PSMC2: variants seen among roughly 807,000 people sequenced by gnomAD.
PSMC2 encodes the protein proteasome 26S subunit, ATPase 2.
PSMC2 carries 7 observed loss-of-function variants against 53.3 expected under a neutral mutation model. The ratio of observed to expected loss-of-function variants is 0.13; its 90% CI spans 0.07 to 0.25. The LOEUF (loss-of-function observed/expected upper bound fraction) is 0.25, where lower values mean the gene tolerates loss of function less well. Among genes scored for constraint, PSMC2 ranks in the 10% least tolerant of loss-of-function variants. The pLI, the probability that PSMC2 is intolerant of heterozygous loss-of-function variation, is 1.00. For missense variants in PSMC2, 241 were observed against 544.0 expected (o/e 0.44, Z 5.54); for synonymous variants, 169 against 183.9 (o/e 0.92, Z 0.66).
chr7:103,362,433 C>A, intron 5 of PSMC2: 1 of 1,355,090 alleles, frequency 7.4e-7, no homozygotes, highest in Non-Finnish European at 9.5e-7. Context: ...CATAACAACT[C>A]ACTTAGTAAA....
In PSMC2 at chr7:103,367,648, T is replaced by G; in HGVS notation, c.1047+33T>G. On this transcript the variant is annotated intron_variant, in intron 10 of 11. Coordinates refer to ENST00000292644, the MANE Select transcript of PSMC2 (RefSeq NM_002803.4). This position sits in a 1 kb window ranked among gnomAD's most constrained non-coding sequence, Gnocchi z 6.1. ...AACCATTTCATTTTAGGAAAGGGAT[T>G]TTTGAAGTTTTTTCTTCCTGTGATT... 6.2e-7 allele frequency: 1 copy of G among 1,609,504 alleles called. No homozygotes were observed. Among genetic ancestry groups the G allele is most frequent in the Non-Finnish European group, 8.5e-7 (1 of 1,177,848 alleles).
chr7:103,348,921 T>C (rs1006132718), intron 1 of PSMC2: 1 of 459,370 alleles, frequency 2.2e-6, no homozygotes, highest in African/African-American at 2.0e-5. Context: ...GGATAAATTC[T>C]AGAAGTGGAG....
chr7:103,357,819 C>A (rs1029729825), intron 4 of PSMC2, among the ~76,000 whole-genome samples: 1 of 152,144 alleles, frequency 6.6e-6, no homozygotes, highest in Non-Finnish European at 1.5e-5. Flanking sequence ...CTCAACCTCC[C>A]ACTTTCTCTT....
Position 103,347,800 on chromosome 7 carries a change from G to A in PSMC2, c.70+19G>A, listed in dbSNP as rs1412037800. Reference sequence around the variant, plus strand: ...ATCCGAGGTCAGTTGACATGGGCCGGAGCTCGGAGCTGGGGCGGGACTGGA... The same window carrying A: ...ATCCGAGGTCAGTTGACATGGGCCGAAGCTCGGAGCTGGGGCGGGACTGGA... On this transcript the variant is annotated intron_variant, in intron 1 of 11. Transcript: ENST00000292644. 6.2e-7 allele frequency: 1 copy of A among 1,613,578 alleles called. No homozygotes were observed. Among genetic ancestry groups the A allele is most frequent in the Middle Eastern group, 1.7e-4 (1 of 5,948 alleles).
intron 8 of PSMC2, among the ~76,000 whole-genome samples, chr7:103,365,039 G>A (rs1006470558): frequency 4.8e-5 from 7 of 146,134 alleles, no homozygotes; most frequent in South Asian, 2.2e-4. Context: ...TTGATGATTC[G>A]TATATTTACA....
At chr7:103,363,665 A>G (rs1820535953) in intron 7 of PSMC2, among the ~76,000 whole-genome samples, 1 of 150,848 alleles carries the variant, frequency 6.6e-6, no homozygotes, top group African/African-American at 2.4e-5. Context: ...TGCTGTTTAC[A>G]GTGACAGAGG....
chr7:103,361,210 G>A (rs1025876295), intron 4 of PSMC2, among the ~76,000 whole-genome samples: 3 of 151,878 alleles, frequency 2.0e-5, no homozygotes, highest in African/African-American at 7.3e-5. Context: ...AAGTCCGGGT[G>A]TGGTGGCTCA....
chr7:103,363,464 A>C (rs764964993), intron 7 of PSMC2, 25 bp downstream of exon 7: 27 of 1,570,944 alleles, frequency 1.7e-5, no homozygotes, highest in Admixed American at 3.3e-5. Flanking sequence ...GTTGTATTTA[A>C]ATTTCTTTGT....
rs781434982 is a variant in PSMC2 at position 103,366,033 on chromosome 7, T to G, written c.757-43T>G. On this transcript the variant is annotated intron_variant, in intron 8 of 11. Coordinates refer to ENST00000292644, the MANE Select transcript of PSMC2 (RefSeq NM_002803.4). ...ATAACTTTTTACTTATTTTAAAATATTTTGAAACCAATTTTGAATTAATAA... is the reference window on the plus strand; with the variant it reads ...ATAACTTTTTACTTATTTTAAAATAGTTTGAAACCAATTTTGAATTAATAA... 3.3e-6 allele frequency: 5 copies of G among 1,503,060 alleles called. No individual in the cohort carries two copies. The Admixed American group carries it at 5.5e-5, about 17-fold the overall frequency. The allele number at this position is 1,503,060 out of a possible 1,614,324, so 93.1% of individuals were successfully genotyped here. A position where few individuals can be genotyped will look rare whatever the true frequency, so the allele number is the denominator to read the frequency against.
At chr7:103,361,336 T>TA (rs1170508055) in intron 4 of PSMC2, among the ~76,000 whole-genome samples, 1,514 of 120,814 alleles carry the variant, frequency 0.013, 8 homozygotes, top group African/African-American at 0.02. Flanking sequence ...CCCTCTCTAC[T>TA]AAAAAAAAAA....
chr7:103,357,054 G>A lies in PSMC2; in HGVS notation c.290+1261G>A, dbSNP rs140019710. The stretch of plus-strand genomic sequence containing the variant: ...GGGTTAAATAGTTCAGGCTGGGCAC[G>A]GCAGCTCACGCCTGTAATCCCAGCA... On this transcript the variant is annotated intron_variant, in intron 4 of 11. Coordinates refer to ENST00000292644, the MANE Select transcript of PSMC2 (RefSeq NM_002803.4). Among the ~76,000 whole-genome samples the A allele has an allele frequency of 2.2e-3, 339 of 152,122 alleles. 3 individuals carry two copies. Among genetic ancestry groups the A allele is most frequent in the African/African-American group, 7.9e-3 (327 of 41,478 alleles).
chr7:103,348,014 G>T (rs564050187), intron 1 of PSMC2, among the ~76,000 whole-genome samples: 2 of 152,210 alleles, frequency 1.3e-5, no homozygotes, highest in East Asian at 1.9e-4. Flanking sequence ...CTCAGCTCTC[G>T]GGTCTTGAAG....
rs776502618 is a variant in PSMC2, at chr7:103,355,579, ATAG to A, written c.191-113_191-111del. On this transcript the variant is annotated intron_variant, in intron 3 of 11. Coordinates refer to ENST00000292644, the MANE Select transcript of PSMC2 (RefSeq NM_002803.4). ...TACTAAACAGTCTATAATGCACATG[ATAG>A]TCCTCACAATGAATGATTCAGTGCA... 12 of 754,780 alleles carry A rather than the reference ATAG, an allele frequency of 1.6e-5. 1 individual carries two copies. In the South Asian group the frequency reaches 2.0e-4, roughly 12 times the overall value. 46.8% of individuals were successfully genotyped at this position (754,780 alleles called of 1,614,324 possible).
At chr7:103,350,862 A>G (rs1461945658) in intron 1 of PSMC2, among the ~76,000 whole-genome samples, 2 of 152,144 alleles carry the variant, frequency 1.3e-5, no homozygotes, top group South Asian at 4.1e-4. Context: ...GAAACTGAGC[A>G]GTAGTTTCTT....
intron 1 of PSMC2, among the ~76,000 whole-genome samples, chr7:103,348,226 G>A (rs1206499572): frequency 6.6e-6 from 1 of 152,128 alleles, no homozygotes; most frequent in Non-Finnish European, 1.5e-5. Context: ...AATTCAAGAG[G>A]CAGAAAAGAT....
chr7:103,350,104 T>C (rs1819695258), intron 1 of PSMC2, among the ~76,000 whole-genome samples: 1 of 152,240 alleles, frequency 6.6e-6, no homozygotes, highest in African/African-American at 2.4e-5. Context: ...CACTACCTCT[T>C]CTATTTGTTG....
At chr7:103,362,515 T>C (rs1272247868) in intron 5 of PSMC2, 171 bp from the exon 6 acceptor site, 1 of 1,408,070 alleles carries the variant, frequency 7.1e-7, no homozygotes, top group Non-Finnish European at 9.3e-7. Flanking sequence ...ACATTAGACA[T>C]GTAGTTTAGT....
At chr7:103,366,375 T>C (rs2116266505) in intron 9 of PSMC2, among the ~76,000 whole-genome samples, 1 of 152,370 alleles carries the variant, frequency 6.6e-6, no homozygotes, top group Non-Finnish European at 1.5e-5. Flanking sequence ...TCAAAGCCTT[T>C]ATTTTTGTGC....
rs187385875 is a variant in PSMC2, at chr7:103,354,280, C to T, written c.108+322C>T. Among the ~76,000 whole-genome samples, 4 of 151,368 alleles carry T rather than the reference C, an allele frequency of 2.6e-5. 1 individual carries two copies. The highest frequency in any genetic ancestry group is 2.6e-4 in the Admixed American group (4 of 15,176). On this transcript the variant is annotated intron_variant, in intron 2 of 11. Transcript: ENST00000292644. ...ATTTGAAATCATTTACACAAGTTTA[C>T]TATATTTAACAAGTATTACTGAATT...
Sources: allele counts gnomAD v4.1 joint callset (sites outside exome capture counted in the v4.1 genomes callset), GRCh38; gene constraint gnomAD v4.1.1; non-coding constraint Gnocchi (gnomAD v3.1); transcripts MANE v1.5; gene names NCBI Gene and HGNC (gene_info 2026-07-23, HGNC 2026-07-21).